TARBP1: variants seen among roughly 807,000 people sequenced by gnomAD.
The protein encoded by TARBP1 is tRNA (guanosine(18)-2'-O)-methyltransferase TARBP1.
TARBP1 carries 144 observed loss-of-function variants against 178.6 expected under a neutral mutation model. The observed-to-expected ratio is 0.81, with a 90% confidence interval of 0.70 to 0.93. TARBP1 has a LOEUF of 0.93. Ranked by LOEUF, TARBP1 falls within the 40% of genes least tolerant of loss-of-function variation. TARBP1 has a pLI of 0.00. For synonymous variants in TARBP1, 787 were observed against 781.0 expected (o/e 1.01, Z -0.13); for missense variants, 2,067 against 2,011.7 (o/e 1.03, Z -0.53).
intron 12 of TARBP1, among the ~76,000 whole-genome samples, chr1:234,439,102 G>A (rs1053311614): frequency 1.3e-5 from 2 of 152,154 alleles, no homozygotes; most frequent in Admixed American, 6.5e-5. Context: ...CAACAAATGT[G>A]TTCCAAAAGA....
intron 12 of TARBP1, among the ~76,000 whole-genome samples, chr1:234,443,290 C>CAAAA (rs1254089749): frequency 2.6e-5 from 2 of 76,286 alleles, no homozygotes; most frequent in Non-Finnish European, 5.7e-5. Flanking sequence ...AACTCCGTCT[C>CAAAA]AAAAAAAAAA....
intron 7 of TARBP1, among the ~76,000 whole-genome samples, chr1:234,459,686 C>T (rs1324174309): frequency 6.6e-6 from 1 of 151,928 alleles, no homozygotes; most frequent in Admixed American, 6.6e-5. Context: ...ATGGCGCACA[C>T]CTTTAATCCC....
chr1:234,457,833 G>T, intron 8 of TARBP1, 77 bp from the exon 9 acceptor site: 1 of 1,003,076 alleles, frequency 1.0e-6, no homozygotes, highest in Non-Finnish European at 1.5e-6. Context: ...CACTGTGAAG[G>T]CAATCAATTC....
At chr1:234,436,856 C>A (rs1453422294) in intron 13 of TARBP1, among the ~76,000 whole-genome samples, 1 of 152,212 alleles carries the variant, frequency 6.6e-6, no homozygotes, top group African/African-American at 2.4e-5. Context: ...AGAGCATCCT[C>A]TACACCTAAA....
chr1:234,392,454 G>A lies in TARBP1; in HGVS notation c.4659C>T (p.Thr1553=). The A allele has an allele frequency of 4.3e-6, 7 of 1,614,108 alleles. No homozygotes were observed. Among genetic ancestry groups the A allele is most frequent in the Non-Finnish European group, 5.9e-6 (7 of 1,180,004 alleles). The change falls in exon 29 of 30, where the codon ACC becomes ACT. Residue 1553 remains threonine, a synonymous_variant. Transcript: ENST00000040877. ...VEQTAKSLDL[T]QYCFPEKSLL... ...GAGATTTCTCAGGAAAGCAATATTG[G>A]GTTAGGTCTAAACTTTTGGCAGTTT...
intron 7 of TARBP1, 140 bp downstream of exon 7, chr1:234,460,121 T>C: frequency 3.2e-6 from 3 of 936,256 alleles, no homozygotes; most frequent in Admixed American, 3.4e-5. Flanking sequence ...TTTTTTCTTA[T>C]GTAAAATTAA....
chr1:234,448,611 A>G (rs375342156), intron 10 of TARBP1, 32 bp from the exon 11 acceptor site: 6 of 1,554,504 alleles, frequency 3.9e-6, no homozygotes, highest in South Asian at 1.1e-5. Flanking sequence ...TTTGCAAAGC[A>G]TTAACAAAAT....
intron 20 of TARBP1, among the ~76,000 whole-genome samples, chr1:234,423,990 T>G (rs1663417088): frequency 6.6e-6 from 1 of 152,236 alleles, no homozygotes; most frequent in Non-Finnish European, 1.5e-5. Context: ...TCTACTCATC[T>G]TTTAGAAAAC....
intron 1 of TARBP1, among the ~76,000 whole-genome samples, chr1:234,476,188 G>A (rs1669553049): frequency 6.6e-6 from 1 of 152,158 alleles, no homozygotes; most frequent in Admixed American, 6.5e-5. Context: ...GGATTTTCAG[G>A]AGAGAAACTC....
intron 22 of TARBP1, among the ~76,000 whole-genome samples, chr1:234,411,953 C>T (rs1052328909): frequency 8.5e-5 from 13 of 152,174 alleles, no homozygotes; most frequent in African/African-American, 2.7e-4. Flanking sequence ...TTAACAGTTA[C>T]TGAATGTCTT....
At position 234,461,394 on chromosome 1, in the gene TARBP1, A is replaced by T. The variant is rs270509; in HGVS notation, c.1400-998T>A. Among the ~76,000 whole-genome samples, 33 of 152,230 alleles carry T rather than the reference A, an allele frequency of 2.2e-4. No homozygotes were observed. The South Asian group carries it at 6.2e-3, about 29-fold the overall frequency. ...ATCTTGGCTTACTACTACAACCTCCACCTCCTGGGTTCAAGTGATTCTCCT... is the reference window on the plus strand; with the variant it reads ...ATCTTGGCTTACTACTACAACCTCCTCCTCCTGGGTTCAAGTGATTCTCCT... On this transcript the variant is annotated intron_variant, in intron 6 of 29. Coordinates refer to ENST00000040877, the MANE Select transcript of TARBP1 (RefSeq NM_005646.4).
At chr1:234,463,284 C>T (rs1385206592) in intron 6 of TARBP1, among the ~76,000 whole-genome samples, 13 of 152,000 alleles carry the variant, frequency 8.6e-5, no homozygotes, top group African/African-American at 1.9e-4. Flanking sequence ...CCATCATGCC[C>T]GGATAATTTT....
At chr1:234,463,788 G>T in intron 6 of TARBP1, 49 bp downstream of exon 6, 1 of 1,081,942 alleles carries the variant, frequency 9.2e-7, no homozygotes, top group Non-Finnish European at 1.3e-6. Context: ...AAAAAAAAAA[G>T]AAACTGTAAG....
intron 22 of TARBP1, among the ~76,000 whole-genome samples, chr1:234,416,809 T>C (rs980794670): frequency 2.0e-4 from 30 of 152,206 alleles, no homozygotes; most frequent in African/African-American, 6.7e-4. Context: ...CCAGTTTAGT[T>C]TAACACAGGG....
In TARBP1 at chr1:234,413,422, C is replaced by T. The variant is rs144627781; in HGVS notation, c.3706-2891G>A. ...CCGGGAGGCAGAGGTTGCAGTGAGC[C>T]GAGATTGTGCCATTGCACTCTAGCT... On this transcript the variant is annotated intron_variant, in intron 22 of 29. Coordinates refer to ENST00000040877, the MANE Select transcript of TARBP1 (RefSeq NM_005646.4). Among the ~76,000 whole-genome samples, 5 of 152,198 alleles carry T rather than the reference C, an allele frequency of 3.3e-5. No homozygotes were observed. The East Asian group carries it at 7.7e-4, about 24-fold the overall frequency.
intron 26 of TARBP1, among the ~76,000 whole-genome samples, chr1:234,396,663 G>A (rs1243485070): frequency 6.6e-6 from 1 of 151,942 alleles, no homozygotes; most frequent in African/African-American, 2.4e-5. Context: ...AAACACATTA[G>A]TGAACCATCC....
chr1:234,452,967 CTGGGTCCTG>C (rs1666927796), intron 9 of TARBP1, among the ~76,000 whole-genome samples: 2 of 152,076 alleles, frequency 1.3e-5, no homozygotes, highest in Non-Finnish European at 2.9e-5. Context: ...TCTGAAAAGG[CTGGGTCCTG>C]TATGATTCCA....
rs1664267920 is a variant in TARBP1 at position 234,430,113 on chromosome 1, A to G, written c.2583T>C (p.Ser861=). ...TGCTGCACTCCAAGGGGTGAGCATA[A>G]CTGCTCTGCTCCTCTGCGTGGGGCT... ...LQKPHAEEQS[S]YAHPLECSSV... The change falls in exon 15 of 30, where the codon AGT becomes AGC. Residue 861 remains serine, a synonymous_variant. Coordinates refer to ENST00000040877, the MANE Select transcript of TARBP1 (RefSeq NM_005646.4). The G allele has an allele frequency of 1.2e-6, 2 of 1,613,900 alleles. No homozygotes were observed. Among genetic ancestry groups the G allele is most frequent in the South Asian group, 1.1e-5 (1 of 91,086 alleles).
At chr1:234,392,894 A>AT (rs1236118479) in intron 28 of TARBP1, among the ~76,000 whole-genome samples, 1 of 151,486 alleles carries the variant, frequency 6.6e-6, no homozygotes, top group Non-Finnish European at 1.5e-5. Flanking sequence ...TTTATTTTTT[A>AT]TTTTTTAGTA....
Sources: gnomAD v4.1 joint callset for allele counts (sites outside exome capture counted in the v4.1 genomes callset) on GRCh38, gnomAD v4.1.1 for gene constraint, MANE v1.5 for transcripts, NCBI Gene and HGNC (gene_info 2026-07-23, HGNC 2026-07-21) for gene names.